ENAH: variants seen among roughly 807,000 people sequenced by gnomAD.
ENAH encodes the protein ENAH actin regulator, also known as protein enabled homolog.
ENAH carries 23 observed loss-of-function variants against 78.7 expected under a neutral mutation model. That is an observed-to-expected ratio of 0.29 (90% CI 0.21 to 0.41). ENAH has a LOEUF of 0.41. ENAH is among the 10% of genes least tolerant of loss of function. ENAH has a pLI of 1.00. For synonymous variants in ENAH, 226 were observed against 241.0 expected, an observed-to-expected ratio of 0.94 and a Z score of 0.58; for missense variants, 544 against 691.0, an observed-to-expected ratio of 0.79 and a Z score of 2.39.
chr1:225,520,794 T>C (rs2096460786), intron 4 of ENAH, among the ~76,000 whole-genome samples: 1 of 151,786 alleles, frequency 6.6e-6, no homozygotes, highest in Non-Finnish European at 1.5e-5. Flanking sequence ...AGTCTGAGGC[T>C]ACAGTAAGAT....
At chr1:225,580,471 G>A (rs1430414427) in intron 1 of ENAH, among the ~76,000 whole-genome samples, 1 of 152,102 alleles carries the variant, frequency 6.6e-6, no homozygotes, top group African/African-American at 2.4e-5. Context: ...CTGAGCTAGA[G>A]GAACCACCTA....
intron 1 of ENAH, among the ~76,000 whole-genome samples, chr1:225,592,778 C>G (rs1025025531): frequency 6.6e-6 from 1 of 152,124 alleles, no homozygotes; most frequent in African/African-American, 2.4e-5. Context: ...TTCCAAGAGC[C>G]TTTCTTGGAC....
At chr1:225,557,057 T>G (rs1054636976) in intron 2 of ENAH, among the ~76,000 whole-genome samples, 1 of 152,234 alleles carries the variant, frequency 6.6e-6, no homozygotes, top group Non-Finnish European at 1.5e-5. Context: ...GAAATCTAGA[T>G]GACCATTAGA....
At chr1:225,626,538 G>T (rs771476564) in intron 1 of ENAH, among the ~76,000 whole-genome samples, 1 of 152,166 alleles carries the variant, frequency 6.6e-6, no homozygotes, top group African/African-American at 2.4e-5. Flanking sequence ...GCAACAAGGC[G>T]CCATCTATGA....
intron 12 of ENAH, among the ~76,000 whole-genome samples, chr1:225,499,510 A>G (rs1240277195): frequency 1.3e-5 from 2 of 152,128 alleles, no homozygotes; most frequent in Non-Finnish European, 1.5e-5. Flanking sequence ...TGTCTCTACA[A>G]AAACTACAAA....
intron 3 of ENAH, among the ~76,000 whole-genome samples, chr1:225,531,301 T>G (rs1490691820): frequency 1.3e-5 from 2 of 152,118 alleles, no homozygotes; most frequent in Non-Finnish European, 2.9e-5. Flanking sequence ...AAAAAAAACT[T>G]GCATTCATAC....
At chr1:225,536,297 AAACTC>A (rs1462569246) in intron 3 of ENAH, among the ~76,000 whole-genome samples, 1 of 152,074 alleles carries the variant, frequency 6.6e-6, no homozygotes, top group South Asian at 2.1e-4. Flanking sequence ...TTAGGAGAAA[AAACTC>A]AATGAGAAGG....
chr1:225,595,382 G>A (rs2096897667), intron 1 of ENAH, among the ~76,000 whole-genome samples: 1 of 152,024 alleles, frequency 6.6e-6, no homozygotes, highest in South Asian at 2.1e-4. Flanking sequence ...AGTTGGTAAT[G>A]CAATTTATCT....
At chr1:225,652,377 G>C in intron 1 of ENAH, 1 of 985,388 alleles carries the variant, frequency 1.0e-6, no homozygotes, top group African/African-American at 1.7e-5. Flanking sequence ...CCCGGGTTTC[G>C]CTTGCAAAGG....
rs1558867584 is a variant in ENAH at position 225,589,725 on chromosome 1, G to A, written c.6-22311C>T. Among the ~76,000 whole-genome samples the A allele has an allele frequency of 3.3e-5, 5 of 152,296 alleles. No homozygotes were observed. In the South Asian group the frequency reaches 1.0e-3, roughly 32 times the overall value. On this transcript the variant is annotated intron_variant, in intron 1 of 13. Coordinates refer to ENST00000366843, the MANE Select transcript of ENAH (RefSeq NM_018212.6). ...AACTGTATACAGAGAAGGATGGAGA[G>A]ACAGATGTGTGATAAAGCAAATATA...
At chr1:225,587,948 A>G (rs2096855538) in intron 1 of ENAH, among the ~76,000 whole-genome samples, 1 of 152,168 alleles carries the variant, frequency 6.6e-6, no homozygotes, top group Admixed American at 6.5e-5. Flanking sequence ...AAAAATCTCA[A>G]TGCATACCTC....
intron 1 of ENAH, among the ~76,000 whole-genome samples, chr1:225,587,887 GAT>G (rs2096855215): frequency 6.6e-6 from 1 of 152,048 alleles, no homozygotes; most frequent in Admixed American, 6.5e-5. Flanking sequence ...GTGGAGAAAA[GAT>G]AATCTTTTCA....
At chr1:225,627,222 G>C (rs765530195) in intron 1 of ENAH, among the ~76,000 whole-genome samples, 5 of 152,158 alleles carry the variant, frequency 3.3e-5, no homozygotes, top group African/African-American at 4.8e-5. Context: ...GTATAAACTT[G>C]TATGAAAATA....
chr1:225,559,867 T>C (rs1330967463), intron 2 of ENAH, among the ~76,000 whole-genome samples: 2 of 152,186 alleles, frequency 1.3e-5, no homozygotes, highest in South Asian at 2.1e-4. Flanking sequence ...AAAAGTGAGA[T>C]CAAGGTAAAC....
chr1:225,545,434 T>C (rs1168542797), intron 3 of ENAH, among the ~76,000 whole-genome samples: 1 of 152,226 alleles, frequency 6.6e-6, no homozygotes, highest in Non-Finnish European at 1.5e-5. Flanking sequence ...GTTACATCTA[T>C]CATTATTTAC....
intron 2 of ENAH, among the ~76,000 whole-genome samples, chr1:225,559,199 T>C (rs2096686165): frequency 6.6e-6 from 1 of 152,198 alleles, no homozygotes; most frequent in Non-Finnish European, 1.5e-5. Flanking sequence ...CTCGGACTCA[T>C]GGACTATTCA....
intron 1 of ENAH, among the ~76,000 whole-genome samples, chr1:225,633,534 T>C (rs1388608410): frequency 3.3e-5 from 5 of 152,128 alleles, no homozygotes; most frequent in Admixed American, 3.3e-4. Flanking sequence ...AGCAAGGACT[T>C]TGGAGTTACG....
In ENAH at chr1:225,514,763, G is replaced by A; in HGVS notation, c.1051C>T (p.Pro351Ser). The A allele has an allele frequency of 2.1e-6, 3 of 1,454,968 alleles. No homozygotes were observed. The highest frequency in any genetic ancestry group is 4.5e-5 in the Admixed American group (2 of 44,142). The allele number at this position is 1,454,968 out of a possible 1,614,324, so 90.1% of individuals were successfully genotyped here. Reference protein sequence around the residue: ...PLPSTGPPPPPPPPPLPNQVP... With the variant: ...PLPSTGPPPPSPPPPLPNQVP... ...TGATTAGGGAGAGGAGGGGGAGGAG[G>A]GGGCGGTGGAGGCCCGGTGGATGGG... Residue 351 changes from proline (P) to serine (S), a missense_variant, in exon 7 of 14, where the codon CCT becomes TCT. Around this residue, in one of 4 missense-constraint regions of ENAH, gnomAD observed 366 missense variants for 396.1 expected, o/e 0.92. Coordinates refer to ENST00000366843, the MANE Select transcript of ENAH (RefSeq NM_018212.6).
In ENAH at chr1:225,524,268, T is replaced by A. The variant is rs143939403; in HGVS notation, c.435-4703A>T. On this transcript the variant is annotated intron_variant, in intron 4 of 13. Transcript: ENST00000366843. ...TTTATGTTGACTCAAAGACATTTCTTGAAGCAAGTAAAATGTTAAGTAACA... is the reference window on the plus strand; with the variant it reads ...TTTATGTTGACTCAAAGACATTTCTAGAAGCAAGTAAAATGTTAAGTAACA... Among the ~76,000 whole-genome samples, 626 of 152,320 alleles carry A rather than the reference T, an allele frequency of 4.1e-3. 7 individuals are homozygous for A. Among genetic ancestry groups the A allele is most frequent in the African/African-American group, 0.014 (593 of 41,572 alleles).
Sources: allele counts gnomAD v4.1 joint callset (sites outside exome capture counted in the v4.1 genomes callset), GRCh38; gene constraint gnomAD v4.1.1; regional missense constraint gnomAD v4.1.1; transcripts MANE v1.5; gene names NCBI Gene and HGNC (gene_info 2026-07-23, HGNC 2026-07-21).